The following CMSS1 variants were observed in gnomAD, a reference collection of about 807,000 sequenced individuals.
CMSS1 encodes protein CMSS1.
In CMSS1, 33 loss-of-function variants were observed where a neutral mutation model predicts 43.5. The observed-to-expected ratio is 0.76, with a 90% CI of 0.57 to 1.01. The LOEUF (loss-of-function observed/expected upper bound fraction) is 1.01, where lower values mean the gene tolerates loss of function less well. Ranked by LOEUF, CMSS1 falls within the 50% of genes least tolerant of loss-of-function variation. The pLI is 0.00. For missense variants in CMSS1, 313 were observed against 326.4 expected (o/e 0.96, Z 0.32); for synonymous variants, 115 against 117.2 (o/e 0.98, Z 0.12).
chr3:99,855,307 C>T (rs1047238090), intron 1 of CMSS1, among the ~76,000 whole-genome samples: 1 of 152,126 alleles, frequency 6.6e-6, no homozygotes, highest in South Asian at 2.1e-4. Flanking sequence ...TCAGTAGCTA[C>T]ATTTTCATGC....
At chr3:99,879,817 A>T (rs573194551) in intron 1 of CMSS1, among the ~76,000 whole-genome samples, 1 of 152,296 alleles carries the variant, frequency 6.6e-6, no homozygotes, top group South Asian at 2.1e-4. Flanking sequence ...CCTGTATAAG[A>T]CCTGGTCTTA....
chr3:99,999,617 G>A (rs1039867189), intron 1 of CMSS1, among the ~76,000 whole-genome samples: 3 of 152,156 alleles, frequency 2.0e-5, no homozygotes, highest in South Asian at 2.1e-4. Flanking sequence ...AGAGGATCTC[G>A]GGATATAGGC....
chr3:99,895,163 T>TAC (rs1491010603), intron 1 of CMSS1, among the ~76,000 whole-genome samples: 2 of 149,054 alleles, frequency 1.3e-5, no homozygotes, highest in Non-Finnish European at 2.9e-5. Context: ...AGAGAATGCT[T>TAC]ATATATATAT....
chr3:99,853,395 A>T (rs189157288), intron 1 of CMSS1, among the ~76,000 whole-genome samples: 1 of 152,240 alleles, frequency 6.6e-6, no homozygotes, highest in Admixed American at 6.5e-5. Flanking sequence ...AAATTATAGC[A>T]TGTGCTATGT....
At chr3:99,988,157 G>A (rs536339854) in intron 1 of CMSS1, among the ~76,000 whole-genome samples, 1 of 151,732 alleles carries the variant, frequency 6.6e-6, no homozygotes, top group Non-Finnish European at 1.5e-5. Context: ...AAAGAATTGT[G>A]GGATCTTTTA....
At chr3:99,895,973 CAT>C (rs1383960943) in intron 1 of CMSS1, among the ~76,000 whole-genome samples, 3 of 152,256 alleles carry the variant, frequency 2.0e-5, no homozygotes, top group South Asian at 2.1e-4. Flanking sequence ...GTAGAGGAGA[CAT>C]GTGGCTCACT....
At chr3:99,899,900 T>C (rs889501155) in intron 1 of CMSS1, among the ~76,000 whole-genome samples, 1 of 152,104 alleles carries the variant, frequency 6.6e-6, no homozygotes, top group Admixed American at 6.5e-5. Flanking sequence ...TTTAAGTGCT[T>C]AGAGTAGGGC....
intron 1 of CMSS1, among the ~76,000 whole-genome samples, chr3:100,102,385 A>T (rs1034779494): frequency 3.9e-5 from 6 of 152,208 alleles, no homozygotes; most frequent in Admixed American, 6.5e-5. Flanking sequence ...ATAACTAAAT[A>T]TCCTTGGAAA....
intron 1 of CMSS1, among the ~76,000 whole-genome samples, chr3:99,890,781 A>C (rs1390179511): frequency 2.0e-5 from 3 of 151,924 alleles, no homozygotes; most frequent in African/African-American, 4.8e-5. Context: ...TGATTATTTA[A>C]ATATCTGAGG....
chr3:99,931,081 T>C, intron 1 of CMSS1: 1 of 1,460,752 alleles, frequency 6.8e-7, no homozygotes, highest in East Asian at 2.3e-5. Context: ...GGAGTTTTAA[T>C]AAGAGTACCT....
intron 1 of CMSS1, among the ~76,000 whole-genome samples, chr3:99,988,511 CA>C (rs757175318): frequency 2.9e-4 from 14 of 47,874 alleles, no homozygotes; most frequent in South Asian, 8.3e-4. Flanking sequence ...GACTCCATCT[CA>C]AAAAAAAAAA....
chr3:99,936,074 C>T (rs1424090464), intron 1 of CMSS1, among the ~76,000 whole-genome samples: 1 of 151,992 alleles, frequency 6.6e-6, no homozygotes, highest in Non-Finnish European at 1.5e-5. Flanking sequence ...CTTAGACATA[C>T]TTTTTAGTCT....
chr3:100,121,973 C>T (rs1261232562), intron 1 of CMSS1, among the ~76,000 whole-genome samples: 1 of 152,114 alleles, frequency 6.6e-6, no homozygotes, highest in Non-Finnish European at 1.5e-5. Context: ...CAGGTGTGCT[C>T]CTTGGGTTGG....
intron 1 of CMSS1, among the ~76,000 whole-genome samples, chr3:100,125,594 A>G (rs527936963): frequency 1.3e-5 from 2 of 152,360 alleles, no homozygotes; most frequent in South Asian, 4.1e-4. Flanking sequence ...TTCATATGAC[A>G]TAACACCTTA....
intron 1 of CMSS1, among the ~76,000 whole-genome samples, chr3:100,024,854 C>T (rs1190649771): frequency 6.6e-6 from 1 of 152,112 alleles, no homozygotes; most frequent in Non-Finnish European, 1.5e-5. Context: ...AGGTCAGAAA[C>T]ATTCGTAGCC....
chr3:99,985,858 G>A (rs1363140039), intron 1 of CMSS1, among the ~76,000 whole-genome samples: 1 of 152,036 alleles, frequency 6.6e-6, no homozygotes, highest in African/African-American at 2.4e-5. Flanking sequence ...CAAAGTACTG[G>A]GATTACAGGC....
At chr3:99,835,354 G>A (rs1559649562) in intron 1 of CMSS1, among the ~76,000 whole-genome samples, 1 of 152,136 alleles carries the variant, frequency 6.6e-6, no homozygotes, top group Non-Finnish European at 1.5e-5. Flanking sequence ...CATGTCTTTT[G>A]TTTGAAAAAT....
At chr3:100,145,460 G>A (rs1050981434) in intron 1 of CMSS1, among the ~76,000 whole-genome samples, 1 of 150,922 alleles carries the variant, frequency 6.6e-6, no homozygotes, top group African/African-American at 2.4e-5. Context: ...AAAAAAAAAA[G>A]TATACATATT....
intron 1 of CMSS1, chr3:99,924,503 A>C: frequency 7.7e-7 from 1 of 1,305,904 alleles, no homozygotes; most frequent in Non-Finnish European, 1.1e-6. Flanking sequence ...TTAATTCGGC[A>C]GTGGGTTTTT....
Sources: gnomAD v4.1 joint callset for allele counts (sites outside exome capture counted in the v4.1 genomes callset) on GRCh38, gnomAD v4.1.1 for gene constraint, MANE v1.5 for transcripts, NCBI Gene and HGNC (gene_info 2026-07-23, HGNC 2026-07-21) for gene names.